Variants in EPHA6 observed in about 807,000 individuals in gnomAD.
The protein encoded by EPHA6 is EPH receptor A6.
In EPHA6, 50 loss-of-function variants were observed where a neutral mutation model predicts 112.0. The observed-to-expected ratio is 0.45, with a 90% CI of 0.36 to 0.56. EPHA6 has a LOEUF of 0.56. EPHA6 is among the 20% of genes least tolerant of loss of function. The pLI is 0.00. For synonymous variants in EPHA6, 529 were observed against 490.7 expected (o/e 1.08, Z -1.03); for missense variants, 1,280 against 1,417.4 (o/e 0.90, Z 1.56).
At chr3:97,480,178 T>C (rs1274817255) in intron 9 of EPHA6, among the ~76,000 whole-genome samples, 1 of 151,996 alleles carries the variant, frequency 6.6e-6, no homozygotes, top group African/African-American at 2.4e-5. Context: ...TATTTTTTAT[T>C]ATTATTTTTT....
intron 11 of EPHA6, among the ~76,000 whole-genome samples, chr3:97,591,979 T>C (rs1180565966): frequency 6.6e-6 from 1 of 152,184 alleles, no homozygotes; most frequent in East Asian, 1.9e-4. Context: ...TGGATAAATT[T>C]CCAAGCCACT....
intron 2 of EPHA6, among the ~76,000 whole-genome samples, chr3:96,895,193 G>A (rs1029205470): frequency 2.6e-5 from 4 of 151,922 alleles, no homozygotes; most frequent in Non-Finnish European, 4.4e-5. Flanking sequence ...ATAAGGAGGT[G>A]GAAGACAGTG....
intron 3 of EPHA6, among the ~76,000 whole-genome samples, chr3:97,058,123 T>C (rs1248157538): frequency 6.6e-6 from 1 of 152,158 alleles, no homozygotes; most frequent in African/African-American, 2.4e-5. Context: ...TATGTCATTA[T>C]AAAATTTAAT....
chr3:97,610,925 A>T (rs2093714625), intron 13 of EPHA6, 71 bp downstream of exon 13: 2 of 1,288,534 alleles, frequency 1.6e-6, no homozygotes, highest in African/African-American at 1.5e-5. Flanking sequence ...TTTATCATAA[A>T]TTAATTTTTG....
chr3:97,169,453 A>G (rs943955253), intron 3 of EPHA6, among the ~76,000 whole-genome samples: 9 of 152,052 alleles, frequency 5.9e-5, no homozygotes, highest in Non-Finnish European at 1.2e-4. Context: ...CTCTCTTCTT[A>G]TCCTTCTCCC....
At chr3:97,553,595 A>G (rs1228219318) in intron 11 of EPHA6, among the ~76,000 whole-genome samples, 1 of 152,052 alleles carries the variant, frequency 6.6e-6, no homozygotes, top group Non-Finnish European at 1.5e-5. Flanking sequence ...TCTCATGAGA[A>G]CGCTTCACTA....
At chr3:97,682,431 C>G (rs994155466) in intron 14 of EPHA6, among the ~76,000 whole-genome samples, 2 of 151,946 alleles carry the variant, frequency 1.3e-5, no homozygotes, top group African/African-American at 4.8e-5. Flanking sequence ...ATTGACAACC[C>G]ACCTGAAACA....
intron 14 of EPHA6, chr3:97,648,286 G>T (rs2094081891): frequency 3.8e-6 from 4 of 1,040,430 alleles, no homozygotes; most frequent in Non-Finnish European, 6.1e-6. Context: ...GCATTCATAG[G>T]ACCTCTTCCA....
At chr3:97,395,771 A>G (rs2086661717) in intron 5 of EPHA6, among the ~76,000 whole-genome samples, 2 of 151,772 alleles carry the variant, frequency 1.3e-5, no homozygotes, top group South Asian at 2.1e-4. Flanking sequence ...AGAAAAATGT[A>G]AAGAAATAAG....
chr3:97,053,223 G>A (rs2045742714), intron 3 of EPHA6, among the ~76,000 whole-genome samples: 1 of 152,072 alleles, frequency 6.6e-6, no homozygotes, highest in Non-Finnish European at 1.5e-5. Context: ...AAACGACTAG[G>A]AGTATAGAGC....
chr3:97,495,567 G>A (rs1423684118), intron 10 of EPHA6, among the ~76,000 whole-genome samples: 1 of 151,778 alleles, frequency 6.6e-6, no homozygotes, highest in Non-Finnish European at 1.5e-5. Flanking sequence ...ATTTCATTGT[G>A]TTTCTGTAAG....
At chr3:97,049,908 A>G (rs1349740444) in intron 3 of EPHA6, among the ~76,000 whole-genome samples, 2 of 152,200 alleles carry the variant, frequency 1.3e-5, no homozygotes, top group Admixed American at 6.6e-5. Context: ...GCCCACCACC[A>G]GCATTGGGGA....
At chr3:97,271,428 G>A (rs1353832073) in intron 5 of EPHA6, among the ~76,000 whole-genome samples, 1 of 152,204 alleles carries the variant, frequency 6.6e-6, no homozygotes, top group African/African-American at 2.4e-5. Flanking sequence ...GCACAATCTC[G>A]GCTCACTGCA....
At chr3:96,833,564 A>G (rs985001535) in intron 1 of EPHA6, among the ~76,000 whole-genome samples, 1 of 152,018 alleles carries the variant, frequency 6.6e-6, no homozygotes, top group African/African-American at 2.4e-5. Context: ...ATTCTTAAGG[A>G]GTAAACTATG....
chr3:97,201,772 A>T (rs573354302), intron 3 of EPHA6, among the ~76,000 whole-genome samples: 5 of 152,246 alleles, frequency 3.3e-5, no homozygotes, highest in Non-Finnish European at 7.4e-5. Flanking sequence ...GTAAAGCTAA[A>T]TCTGGCTTCC....
chr3:97,283,332 G>A (rs904480299), intron 5 of EPHA6, among the ~76,000 whole-genome samples: 1 of 151,982 alleles, frequency 6.6e-6, no homozygotes, highest in Non-Finnish European at 1.5e-5. Context: ...TAAGATAAAT[G>A]GGAATAAATA....
chr3:97,115,505 T>G (rs1339034864), intron 3 of EPHA6, among the ~76,000 whole-genome samples: 1 of 151,816 alleles, frequency 6.6e-6, no homozygotes, highest in Non-Finnish European at 1.5e-5. Context: ...TCACCTTCCA[T>G]GTGACTTTGG....
At chr3:97,145,172 T>G (rs1177557336) in intron 3 of EPHA6, among the ~76,000 whole-genome samples, 4 of 151,446 alleles carry the variant, frequency 2.6e-5, no homozygotes, top group African/African-American at 9.7e-5. Context: ...AAATTTTATT[T>G]TACTATGTAT....
chr3:97,595,652 GA>G (rs1198949592), intron 12 of EPHA6, among the ~76,000 whole-genome samples: 3 of 145,194 alleles, frequency 2.1e-5, no homozygotes, highest in Non-Finnish European at 3.0e-5. Flanking sequence ...TCTCAAAAAA[GA>G]AAAAAAAGGA....
Sources: gnomAD v4.1 joint callset for allele counts (sites outside exome capture counted in the v4.1 genomes callset) on GRCh38, gnomAD v4.1.1 for gene constraint, MANE v1.5 for transcripts, NCBI Gene and HGNC (gene_info 2026-07-23, HGNC 2026-07-21) for gene names.